FAM81B: variants seen among roughly 807,000 people sequenced by gnomAD.
FAM81B encodes protein FAM81B.
A neutral mutation model predicts 58.7 loss-of-function variants in FAM81B; 60 were observed. The observed-to-expected ratio is 1.02, with a 90% CI of 0.83 to 1.27. The LOEUF (loss-of-function observed/expected upper bound fraction) is 1.27. Among genes scored for constraint, FAM81B ranks in the 50% most tolerant of loss-of-function variants. The pLI is 0.00. For missense variants in FAM81B, 491 were observed against 522.0 expected (o/e 0.94, Z 0.58); for synonymous variants, 189 against 179.6 (o/e 1.05, Z -0.42).
At chr5:95,412,628 T>C (rs1762433978) in intron 3 of FAM81B, among the ~76,000 whole-genome samples, 1 of 152,184 alleles carries the variant, frequency 6.6e-6, no homozygotes, top group Non-Finnish European at 1.5e-5. Context: ...CACCTTGAGA[T>C]TCACTTTTAG....
At position 95,438,319 on chromosome 5, in the gene FAM81B, G is replaced by A. The variant is rs79132067; in HGVS notation, c.893+1413G>A. Among the ~76,000 whole-genome samples, 1,346 of 152,212 alleles carry A rather than the reference G, an allele frequency of 8.8e-3. 21 individuals are homozygous for A. The highest frequency in any genetic ancestry group is 0.03 in the African/African-American group (1,265 of 41,534). ...TTAAGACAAAGAAAACTGTCCAAAG[G>A]AAAAGTAGAACAGTAATCTGTTTCT... On this transcript the variant is annotated intron_variant, in intron 7 of 9. Coordinates refer to ENST00000283357, the MANE Select transcript of FAM81B (RefSeq NM_152548.3).
Position 95,392,828 on chromosome 5 carries a change from G to C in FAM81B, c.159G>C (p.Ala53=). The C allele has an allele frequency of 1.9e-6, 3 of 1,612,026 alleles. No homozygotes were observed. In the South Asian group the frequency reaches 3.3e-5, roughly 18 times the overall value. Residue 53 remains alanine (A), a synonymous_variant, in exon 2 of 10, where the codon GCG becomes GCC. Coordinates refer to ENST00000283357, the MANE Select transcript of FAM81B (RefSeq NM_152548.3). ...TNVNKSASPT[A]TAEEQPVEPD... is the part of the protein sequence containing the mutation. ...TAAACAAAAGTGCCTCTCCAACTGC[G>C]ACTGCAGAGGAACAGCCAGTTGAAC...
chr5:95,448,719 A>T (rs1383519878), intron 9 of FAM81B: 1 of 483,892 alleles, frequency 2.1e-6, no homozygotes, highest in East Asian at 4.6e-5. Context: ...TTTTTTACTA[A>T]GATCATGGAA....
chr5:95,412,538 A>C (rs1389264991), intron 3 of FAM81B, among the ~76,000 whole-genome samples: 3 of 152,218 alleles, frequency 2.0e-5, no homozygotes, highest in Non-Finnish European at 4.4e-5. Flanking sequence ...TTTTTAAACC[A>C]TATGGGGTGG....
chr5:95,403,807 G>A (rs1489705637), intron 3 of FAM81B, among the ~76,000 whole-genome samples: 1 of 152,146 alleles, frequency 6.6e-6, no homozygotes, highest in Non-Finnish European at 1.5e-5. Flanking sequence ...GTTTCTCTTT[G>A]CATCTCATGG....
At chr5:95,433,585 G>A (rs1744992977) in intron 6 of FAM81B, among the ~76,000 whole-genome samples, 1 of 152,052 alleles carries the variant, frequency 6.6e-6, no homozygotes, top group Non-Finnish European at 1.5e-5. Flanking sequence ...TCTCATTGTA[G>A]GTAAAAATTT....
intron 6 of FAM81B, among the ~76,000 whole-genome samples, chr5:95,432,141 T>C (rs1744923899): frequency 6.6e-6 from 1 of 152,102 alleles, no homozygotes; most frequent in South Asian, 2.1e-4. Context: ...TATTGAATTT[T>C]ATCAAATACC....
At chr5:95,403,149 G>A (rs1210291998) in intron 3 of FAM81B, among the ~76,000 whole-genome samples, 3 of 152,100 alleles carry the variant, frequency 2.0e-5, no homozygotes, top group African/African-American at 7.2e-5. Flanking sequence ...TCACCTATGC[G>A]CTTGCTTAAA....
chr5:95,394,933 T>C (rs919529810), intron 2 of FAM81B, among the ~76,000 whole-genome samples: 1 of 152,194 alleles, frequency 6.6e-6, no homozygotes, highest in African/African-American at 2.4e-5. Flanking sequence ...AAAGGAATGC[T>C]TTCTGTATGT....
intron 5 of FAM81B, among the ~76,000 whole-genome samples, chr5:95,426,118 ATATATG>A (rs1186122323): frequency 0.094 from 10,749 of 114,484 alleles, 721 homozygotes; most frequent in African/African-American, 0.18. Flanking sequence ...ATATATATAT[ATATATG>A]TACACATATA....
intron 6 of FAM81B, among the ~76,000 whole-genome samples, chr5:95,429,195 A>T (rs536607474): frequency 6.6e-6 from 1 of 152,216 alleles, no homozygotes. Context: ...TCTGGATTTT[A>T]AAGGCCATCT....
At chr5:95,403,353 G>C (rs1012042539) in intron 3 of FAM81B, among the ~76,000 whole-genome samples, 4 of 152,162 alleles carry the variant, frequency 2.6e-5, no homozygotes, top group African/African-American at 9.7e-5. Flanking sequence ...TAGTATTACA[G>C]GTATGGACTA....
intron 7 of FAM81B, chr5:95,440,137 CAAG>C: frequency 1.8e-6 from 1 of 569,834 alleles, no homozygotes; most frequent in Non-Finnish European, 3.4e-6. Flanking sequence ...GAGACTGGCA[CAAG>C]TTCTTTGAAA....
chr5:95,412,664 A>AGAC (rs1762435051), intron 3 of FAM81B, among the ~76,000 whole-genome samples: 1 of 152,168 alleles, frequency 6.6e-6, no homozygotes, highest in Non-Finnish European at 1.5e-5. Flanking sequence ...TTAATTCCAA[A>AGAC]TCTGTCATGG....
intron 3 of FAM81B, among the ~76,000 whole-genome samples, chr5:95,407,424 G>A (rs1257421347): frequency 7.1e-6 from 1 of 139,920 alleles, no homozygotes; most frequent in African/African-American, 2.7e-5. Flanking sequence ...ACACACACGC[G>A]TGCGCGCACA....
At chr5:95,428,526 G>T in intron 5 of FAM81B, 77 bp from the exon 6 acceptor site, 8 of 1,539,372 alleles carry the variant, frequency 5.2e-6, no homozygotes, top group Non-Finnish European at 7.0e-6. Flanking sequence ...GCCATCAAAT[G>T]AATGTGCAGG....
chr5:95,419,720 C>G (rs1387926094), intron 4 of FAM81B, among the ~76,000 whole-genome samples: 1 of 152,110 alleles, frequency 6.6e-6, no homozygotes, highest in African/African-American at 2.4e-5. Flanking sequence ...TCTAAAAAAT[C>G]TAGATAAACT....
intron 3 of FAM81B, among the ~76,000 whole-genome samples, chr5:95,399,023 AG>A (rs2152760661): frequency 6.6e-6 from 1 of 152,344 alleles, no homozygotes; most frequent in South Asian, 2.1e-4. Context: ...AACAAAAAGG[AG>A]GCCAAGGAAC....
At chr5:95,427,846 G>C (rs138276603) in intron 5 of FAM81B, among the ~76,000 whole-genome samples, 3 of 152,288 alleles carry the variant, frequency 2.0e-5, no homozygotes, top group African/African-American at 7.2e-5. Flanking sequence ...TGTCCCCCAA[G>C]AGAGTCACGG....
Sources: gnomAD v4.1 joint callset for allele counts (sites outside exome capture counted in the v4.1 genomes callset) on GRCh38, gnomAD v4.1.1 for gene constraint, MANE v1.5 for transcripts, NCBI Gene and HGNC (gene_info 2026-07-23, HGNC 2026-07-21) for gene names.